The following PER1 variants were observed in gnomAD, a reference collection of about 807,000 sequenced individuals.
PER1 encodes the protein period circadian protein homolog 1.
Under a neutral mutation model 125.9 loss-of-function variants are expected in PER1, and 87 were observed. The ratio of observed to expected loss-of-function variants is 0.69; its 90% CI spans 0.58 to 0.83. The LOEUF is 0.83. Ranked by LOEUF, PER1 falls within the 40% of genes least tolerant of loss-of-function variation. The pLI, the probability that PER1 is intolerant of heterozygous loss-of-function variation, is 0.00. For missense variants in PER1, 1,775 were observed against 1,722.8 expected, an observed-to-expected ratio of 1.03 and a Z score of -0.54; for synonymous variants, 801 against 714.7, an observed-to-expected ratio of 1.12 and a Z score of -1.93.
At chr17:8,144,546 C>G (rs1005169019) in intron 18 of PER1, 2 of 602,160 alleles carry the variant, frequency 3.3e-6, no homozygotes, top group Non-Finnish European at 5.5e-6. Flanking sequence ...GCCATCCCCC[C>G]AGGCTGCCCT....
At chr17:8,149,919 TCAA>T in intron 4 of PER1, 43 bp from the exon 5 acceptor site, 1 of 1,613,982 alleles carries the variant, frequency 6.2e-7, no homozygotes, top group South Asian at 1.1e-5. Flanking sequence ...GGAGGCTGCC[TCAA>T]CACGGGAGCC....
At chr17:8,142,199 C>T in intron 21 of PER1, 70 bp downstream of exon 21, 1 of 1,316,452 alleles carries the variant, frequency 7.6e-7, no homozygotes. Flanking sequence ...CAGAGCCAGC[C>T]CCAGAAAAGA....
chr17:8,144,006 A>G (rs1982266454), intron 18 of PER1, 130 bp from the exon 19 acceptor site: 2 of 1,380,918 alleles, frequency 1.4e-6, no homozygotes. Context: ...CAACCCACAC[A>G]GAACGGGGGA....
intron 16 of PER1, 100 bp from the exon 17 acceptor site, chr17:8,146,237 G>C: frequency 6.6e-7 from 1 of 1,525,148 alleles, no homozygotes; most frequent in South Asian, 1.3e-5. Flanking sequence ...GTAGGGAACA[G>C]AGGGAACAGT....
Position 8,148,239 on chromosome 17 carries a change from T to C in PER1, c.1069A>G (p.Lys357Glu), listed in dbSNP as rs144834251. The C allele has an allele frequency of 5.0e-6, 8 of 1,613,866 alleles. No individual in the cohort carries two copies. Among genetic ancestry groups the C allele is most frequent in the African/African-American group, 1.3e-5 (1 of 74,886 alleles). ...GTGTGCCGCGTAGTGAAAATCCTCT[T>C]GTCAGGGGGTATCCGGGGAGCTGAG... ...GYEAPRIPPDKRIFTTRHTPS... is the reference protein window; with the variant it reads ...GYEAPRIPPDERIFTTRHTPS... The change falls in exon 9 of 23, where the codon AAG (lysine) becomes GAG (glutamate). Residue 357 changes from lysine to glutamate, a missense_variant. Transcript: ENST00000317276.
At position 8,147,547 on chromosome 17, in the gene PER1, G is replaced by A; in HGVS notation, c.1420C>T (p.Pro474Ser). Reference protein sequence around the residue: ...APLNEDVFTPPAPSPAPSLDT... With the variant: ...APLNEDVFTPSAPSPAPSLDT... ...AGGGAGGGAGCTGGGCTGGGGGCCG[G>A]GGGAGTGAACACGTCCTCATTCAGG... The change falls in exon 12 of 23, where the codon CCG becomes TCG. Residue 474 changes from proline (P) to serine (S), a missense_variant. By Grantham distance (74) the Pro-to-Ser change is moderately conservative. Coordinates refer to ENST00000317276, the MANE Select transcript of PER1 (RefSeq NM_002616.3). 1 of 1,613,656 alleles carries A rather than the reference G, an allele frequency of 6.2e-7. No homozygotes were observed. Among genetic ancestry groups the A allele is most frequent in the Non-Finnish European group, 8.5e-7 (1 of 1,179,780 alleles).
Position 8,143,478 on chromosome 17 carries a change from G to A in PER1, c.2860C>T (p.Pro954Ser). The A allele has an allele frequency of 1.9e-6, 3 of 1,597,374 alleles. No individual in the cohort carries two copies. Among genetic ancestry groups the A allele is most frequent in the Non-Finnish European group, 2.6e-6 (3 of 1,170,680 alleles). Residue 954 changes from proline (P) to serine (S), a missense_variant, in exon 19 of 23, where the codon CCT becomes TCT. Transcript: ENST00000317276. The part of the protein sequence containing the change: ...EGPPTPASHS[P>S]SPSLPALAPS... ...GCGAGGGCGGGCAAGGATGGAGAAG[G>A]GGAGTGCGAGGCAGGAGTGGGAGGC...
chr17:8,145,061 C>A, intron 17 of PER1, 68 bp from the exon 18 acceptor site: 1 of 1,359,610 alleles, frequency 7.4e-7, no homozygotes. Flanking sequence ...ATACCACACC[C>A]TCCCTGTCTG....
chr17:8,152,318 T>G lies in PER1; in HGVS notation c.-140+19A>C, dbSNP rs1982905422. ...TCAGGGACGGAGATCGGCCCCAGGA[T>G]GGCCGCAGAGATGCCTACCTGGTCG... On this transcript the variant is annotated intron_variant, in intron 1 of 22. Coordinates refer to ENST00000317276, the MANE Select transcript of PER1 (RefSeq NM_002616.3). The G allele has an allele frequency of 6.6e-6, 1 of 152,300 alleles. No homozygotes were observed. Among genetic ancestry groups the G allele is most frequent in the Non-Finnish European group, 1.5e-5 (1 of 68,120 alleles). The allele number at this position is 152,300 out of a possible 1,614,324, so 9.4% of individuals were successfully genotyped here.
In PER1 at chr17:8,144,981, A is replaced by G. The variant is rs1406129366; in HGVS notation, c.2231T>C (p.Met744Thr). The G allele has an allele frequency of 6.7e-7, 1 of 1,497,060 alleles. No homozygotes were observed. Among genetic ancestry groups the G allele is most frequent in the African/African-American group, 1.4e-5 (1 of 71,028 alleles). 92.7% of individuals were successfully genotyped at this position (1,497,060 alleles called of 1,614,324 possible). A position where few individuals can be genotyped will look rare whatever the true frequency, so the allele number is the denominator to read the frequency against. ...TGGGGCTAGGCCAGGCAGGTCCTCCATCATGATGATGTCTGAGGAGAGTGA... is the reference window on the plus strand; with the variant it reads ...TGGGGCTAGGCCAGGCAGGTCCTCCGTCATGATGATGTCTGAGGAGAGTGA... The part of the protein sequence containing the change: ...KKPPESDIIM[M>T]EDLPGLAPGP... Residue 744 changes from methionine (M) to threonine (T), a missense_variant, in exon 18 of 23, where the codon ATG becomes ACG. Met to Thr is a moderately conservative substitution (Grantham distance 81). Coordinates refer to ENST00000317276, the MANE Select transcript of PER1 (RefSeq NM_002616.3).
Position 8,149,482 on chromosome 17 carries a change from C to A in PER1, c.833G>T (p.Trp278Leu). The change falls in exon 6 of 23, where the codon TGG (tryptophan) becomes TTG (leucine). Residue 278 changes from tryptophan to leucine, a missense_variant. Trp to Leu is a moderately conservative substitution (Grantham distance 61, BLOSUM62 -2). Transcript: ENST00000317276. ...GSTAPSRLPT[W>L]GTGASAGSGL... ...CTCACCTGCTGAGGCCCCTGTGCCC[C>A]AGGTGGGCAGGCGAGATGGAGCAGT... The A allele has an allele frequency of 6.2e-7, 1 of 1,613,476 alleles. No individual in the cohort carries two copies. Among genetic ancestry groups the A allele is most frequent in the Non-Finnish European group, 8.5e-7 (1 of 1,179,648 alleles).
chr17:8,147,633 G>A (rs771910254), intron 11 of PER1, 41 bp downstream of exon 11: 4 of 1,613,528 alleles, frequency 2.5e-6, no homozygotes, highest in Non-Finnish European at 3.4e-6. Flanking sequence ...CCACCGCACT[G>A]CCCTATCCCC....
chr17:8,145,418 G>A (rs949525749), intron 17 of PER1, among the ~76,000 whole-genome samples: 4 of 145,352 alleles, frequency 2.8e-5, no homozygotes, highest in African/African-American at 1.0e-4. Context: ...CCACCCCCTG[G>A]GTTCAAGCGA....
chr17:8,143,415 T>G lies in PER1; in HGVS notation c.2923A>C (p.Asn975His). The G allele has an allele frequency of 6.2e-7, 1 of 1,612,596 alleles. No individual in the cohort carries two copies. The highest frequency in any genetic ancestry group is 1.1e-5 in the South Asian group (1 of 90,916). The change falls in exon 19 of 23, where the codon AAC becomes CAC. Residue 975 changes from asparagine (N) to histidine (H), a missense_variant. Physicochemically the swap from Asn to His is moderately conservative, Grantham distance 68 (BLOSUM62 1). Transcript: ENST00000317276. Reference sequence around the variant, plus strand: ...TGGAGTGGAGAGCTGCATCTCGAGTTGAACAGTGGAGAGTCCGGGCGGTGA... The same window carrying G: ...TGGAGTGGAGAGCTGCATCTCGAGTGGAACAGTGGAGAGTCCGGGCGGTGA... ...PPHRPDSPLF[N>H]SRCSSPLQLN...
In PER1 at chr17:8,141,310, C is replaced by T. The variant is rs373677434; in HGVS notation, c.3631G>A (p.Asp1211Asn). The change falls in exon 23 of 23, where the codon GAT (aspartate) becomes AAT (asparagine). Residue 1211 changes from aspartate (D) to asparagine (N), a missense_variant. Transcript: ENST00000317276. ...AGTGGGTCATCAGGGTGACCAGGAT[C>T]TTGGGTGCTGCTCCCACAGTCCACA... Reference protein sequence around the residue: ...ACVDCGSSTQDPGHPDDPLFS... With the variant: ...ACVDCGSSTQNPGHPDDPLFS... The T allele has an allele frequency of 5.6e-6, 9 of 1,612,826 alleles. No individual in the cohort carries two copies. In the African/African-American group the frequency reaches 9.3e-5, roughly 17 times the overall value.
chr17:8,147,250 T>G lies in PER1; in HGVS notation c.1629A>C (p.Pro543=). 1 of 1,605,618 alleles carries G rather than the reference T, an allele frequency of 6.2e-7. No homozygotes were observed. The highest frequency in any genetic ancestry group is 2.2e-5 in the East Asian group (1 of 44,488). Residue 543 remains proline (P), a splice_region_variant and synonymous_variant, in exon 13 of 23, where the codon CCA becomes CCC. Transcript: ENST00000317276. ...GDAEGPGPPA[P]VTFQQICKDV... Reference sequence around the variant, plus strand: ...GGTGAGGTAGGAGCAGGTCACTCACTGGCGCAGGAGGCCCAGGCCCCTCTG... The same window carrying G: ...GGTGAGGTAGGAGCAGGTCACTCACGGGCGCAGGAGGCCCAGGCCCCTCTG...
In PER1 at chr17:8,147,358, C is replaced by T. The variant is rs35859165; in HGVS notation, c.1521G>A (p.Thr507=). The T allele has an allele frequency of 3.5e-3, 5,585 of 1,613,630 alleles. 165 individuals are homozygous for T. The African/African-American group carries it at 0.063, about 18-fold the overall frequency. ...TCACGGCGCCGACTCCACAGAGTCC[C>T]GTGGGGCTGGGGCTGTGGACGGGCT... ...LLQPVHSPSP[T]GLCGVGAVTS... Residue 507 remains threonine, a synonymous_variant, in exon 13 of 23, where the codon ACG becomes ACA. Coordinates refer to ENST00000317276, the MANE Select transcript of PER1 (RefSeq NM_002616.3).
At chr17:8,147,652 C>T in intron 11 of PER1, 22 bp downstream of exon 11, 1 of 1,613,846 alleles carries the variant, frequency 6.2e-7, no homozygotes, top group Middle Eastern at 1.6e-4. Flanking sequence ...CCAACGCCAG[C>T]TCGGGGGCAT....
chr17:8,141,332 C>T lies in PER1; in HGVS notation c.3609G>A (p.Val1203=). 1 of 1,605,936 alleles carries T rather than the reference C, an allele frequency of 6.2e-7. No homozygotes were observed. ...GATCTTGGGTGCTGCTCCCACAGTC[C>T]ACACAGGCCTTGGTGAGAGAAATGG... ...LPRALDVMAC[V]DCGSSTQDPG... The change falls in exon 23 of 23, where the codon GTG becomes GTA. Residue 1203 remains valine, a synonymous_variant. Transcript: ENST00000317276.
Sources: gnomAD v4.1 joint callset for allele counts (sites outside exome capture counted in the v4.1 genomes callset) on GRCh38, gnomAD v4.1.1 for gene constraint, MANE v1.5 for transcripts, NCBI Gene and HGNC (gene_info 2026-07-23, HGNC 2026-07-21) for gene names.